The following PLD5 variants were observed in gnomAD, a reference collection of about 807,000 sequenced individuals.
The protein encoded by PLD5 is phospholipase D family member 5, also known as inactive phospholipase D5.
A neutral mutation model predicts 61.1 loss-of-function variants in PLD5; 36 were observed. The ratio of observed to expected loss-of-function variants is 0.59; its 90% CI spans 0.45 to 0.78. The LOEUF (loss-of-function observed/expected upper bound fraction) is 0.78, where lower values mean the gene tolerates loss of function less well. Among genes scored for constraint, PLD5 ranks in the 30% least tolerant of loss-of-function variants. The pLI is 0.00. For missense variants in PLD5, 515 were observed against 644.4 expected (o/e 0.80, Z 2.17); for synonymous variants, 243 against 242.8 (o/e 1.00, Z -0.01).
chr1:242,238,027 C>T (rs1671753047), intron 4 of PLD5, among the ~76,000 whole-genome samples: 1 of 152,094 alleles, frequency 6.6e-6, no homozygotes. Context: ...CTTTTCTTAA[C>T]AGTTTTGAAC....
chr1:242,389,625 A>G (rs1189080945), intron 1 of PLD5, among the ~76,000 whole-genome samples: 1 of 151,938 alleles, frequency 6.6e-6, no homozygotes, highest in Non-Finnish European at 1.5e-5. Flanking sequence ...GGAGAAATAA[A>G]TATGCCACTT....
intron 5 of PLD5, among the ~76,000 whole-genome samples, chr1:242,219,643 C>T (rs1446668384): frequency 6.6e-6 from 1 of 152,174 alleles, no homozygotes; most frequent in East Asian, 1.9e-4. Flanking sequence ...TTACTCTCTA[C>T]TGAATTTTTG....
intron 3 of PLD5, among the ~76,000 whole-genome samples, chr1:242,272,285 T>C (rs1674135115): frequency 6.6e-6 from 1 of 152,136 alleles, no homozygotes. Context: ...AGAAATGCAA[T>C]TAATACACTA....
At chr1:242,486,974 C>A (rs1287264106) in intron 1 of PLD5, among the ~76,000 whole-genome samples, 2 of 152,072 alleles carry the variant, frequency 1.3e-5, no homozygotes, top group Non-Finnish European at 2.9e-5. Context: ...GAAAACCAAA[C>A]ACTGCATGTT....
intron 5 of PLD5, among the ~76,000 whole-genome samples, chr1:242,203,351 G>C (rs1420569043): frequency 6.6e-6 from 1 of 152,128 alleles, no homozygotes; most frequent in African/African-American, 2.4e-5. Context: ...GTCCCTGCCT[G>C]TGAGTCTCTG....
At chr1:242,467,733 C>A (rs999269946) in intron 1 of PLD5, among the ~76,000 whole-genome samples, 2 of 152,150 alleles carry the variant, frequency 1.3e-5, no homozygotes, top group Admixed American at 6.6e-5. Flanking sequence ...GAGGGCCCAC[C>A]AGGTGGTGTG....
chr1:242,148,963 AG>A (rs1252072328), intron 5 of PLD5, among the ~76,000 whole-genome samples: 2 of 64,232 alleles, frequency 3.1e-5, no homozygotes, highest in East Asian at 7.9e-4. Context: ...CTGCAAATAG[AG>A]AGAGTTTTAT....
intron 5 of PLD5, 105 bp downstream of exon 5, chr1:242,219,883 T>C (rs945764429): frequency 1.5e-5 from 21 of 1,396,222 alleles, no homozygotes; most frequent in African/African-American, 7.1e-5. Flanking sequence ...TTAAGAATAA[T>C]AAATGCTGTA....
chr1:242,100,122 C>T (rs1660569750), intron 9 of PLD5, among the ~76,000 whole-genome samples: 1 of 152,100 alleles, frequency 6.6e-6, no homozygotes, highest in Non-Finnish European at 1.5e-5. Flanking sequence ...CTACACTTCA[C>T]CCAATGAAGT....
intron 2 of PLD5, among the ~76,000 whole-genome samples, chr1:242,338,946 T>C (rs1213484459): frequency 1.3e-5 from 2 of 152,214 alleles, no homozygotes; most frequent in Non-Finnish European, 2.9e-5. Flanking sequence ...GTTTATTCAA[T>C]GCTAGTTAGA....
chr1:242,264,664 A>T (rs113145217), intron 4 of PLD5, among the ~76,000 whole-genome samples: 5,765 of 152,156 alleles, frequency 0.038, 334 homozygotes, highest in African/African-American at 0.13. Flanking sequence ...GAACATTTTC[A>T]CTGGCTCAAA....
At chr1:242,393,614 G>A (rs1050567123) in intron 1 of PLD5, among the ~76,000 whole-genome samples, 2 of 95,326 alleles carry the variant, frequency 2.1e-5, no homozygotes, top group Non-Finnish European at 4.0e-5. Context: ...GAGCATATAT[G>A]TGTATATATA....
chr1:242,179,888 G>A (rs1463000585), intron 5 of PLD5, among the ~76,000 whole-genome samples: 1 of 150,730 alleles, frequency 6.6e-6, no homozygotes, highest in Non-Finnish European at 1.5e-5. Context: ...AGGTGACAGA[G>A]TGAGACTCTG....
intron 5 of PLD5, among the ~76,000 whole-genome samples, chr1:242,195,031 A>G (rs1053489091): frequency 4.6e-5 from 7 of 152,242 alleles, no homozygotes; most frequent in African/African-American, 1.7e-4. Flanking sequence ...ATGGAAATTA[A>G]AAATAAAAAT....
intron 1 of PLD5, among the ~76,000 whole-genome samples, chr1:242,405,558 G>A (rs1664189545): frequency 1.3e-5 from 2 of 151,786 alleles, no homozygotes; most frequent in African/African-American, 4.8e-5. Context: ...CTCCAGTCAT[G>A]AGGAACTGTT....
chr1:242,228,988 T>C (rs1365919103), intron 4 of PLD5, among the ~76,000 whole-genome samples: 1 of 152,236 alleles, frequency 6.6e-6, no homozygotes, highest in East Asian at 1.9e-4. Context: ...TGTACTTTAT[T>C]TTCTGCATAC....
chr1:242,524,461 G>C lies in PLD5; in HGVS notation c.-185C>G. Reference sequence around the variant, plus strand: ...GTGCTGAGCGCCAGCTGGGAGCGCGGCCGGGCGGGAGGGGGCGATCGCGGG... The same window carrying C: ...GTGCTGAGCGCCAGCTGGGAGCGCGCCCGGGCGGGAGGGGGCGATCGCGGG... On this transcript the variant is annotated 5_prime_UTR_variant, in exon 1 of 10. Transcript: ENST00000536534. The C allele has an allele frequency of 2.2e-6, 1 of 455,554 alleles. No homozygotes were observed. The highest frequency in any genetic ancestry group is 3.4e-6 in the Non-Finnish European group (1 of 290,840). 28.2% of individuals were successfully genotyped at this position (455,554 alleles called of 1,614,324 possible). A position where few individuals can be genotyped will look rare whatever the true frequency, so the allele number is the denominator to read the frequency against.
rs1176358545 is a variant in PLD5, at chr1:242,124,763, C to G, written c.736-98G>C. ...CATAAGAATGAGGTAGTTGTGACATCTTTTTTCTTGCATTTGAAGTAAGTA... is the reference window on the plus strand; with the variant it reads ...CATAAGAATGAGGTAGTTGTGACATGTTTTTTCTTGCATTTGAAGTAAGTA... On this transcript the variant is annotated intron_variant, in intron 5 of 9. Coordinates refer to ENST00000536534, the MANE Select transcript of PLD5 (RefSeq NM_001372062.1). 6.2e-6 allele frequency: 6 copies of G among 972,662 alleles called. No homozygotes were observed. The Admixed American group carries it at 1.0e-4, about 17-fold the overall frequency. 60.3% of individuals were successfully genotyped at this position (972,662 alleles called of 1,614,324 possible). A position where few individuals can be genotyped will look rare whatever the true frequency, so the allele number is the denominator to read the frequency against.
At chr1:242,324,966 G>A (rs1658656851) in intron 2 of PLD5, among the ~76,000 whole-genome samples, 1 of 152,104 alleles carries the variant, frequency 6.6e-6, no homozygotes, top group Non-Finnish European at 1.5e-5. Context: ...AACAACCGTA[G>A]CCTCTGAATT....
Sources: allele counts gnomAD v4.1 joint callset (sites outside exome capture counted in the v4.1 genomes callset), GRCh38; gene constraint gnomAD v4.1.1; transcripts MANE v1.5; gene names NCBI Gene and HGNC (gene_info 2026-07-23, HGNC 2026-07-21).